The following UXS1 variants were observed in gnomAD, a reference collection of about 807,000 sequenced individuals.
UXS1 encodes UDP-glucuronate decarboxylase 1.
Under a neutral mutation model 62.6 loss-of-function variants are expected in UXS1, and 33 were observed. The observed-to-expected ratio is 0.53, with a 90% confidence interval of 0.40 to 0.70. The LOEUF is 0.70. UXS1 is among the 30% of genes least tolerant of loss of function. UXS1 has a pLI of 0.00. For synonymous variants in UXS1, 213 were observed against 206.8 expected (o/e 1.03, Z -0.26); for missense variants, 434 against 556.3 (o/e 0.78, Z 2.21).
intron 5 of UXS1, among the ~76,000 whole-genome samples, chr2:106,154,306 T>C (rs985283928): frequency 2.0e-5 from 3 of 152,212 alleles, no homozygotes; most frequent in Non-Finnish European, 4.4e-5. Context: ...AGATAAGATT[T>C]TGAAAACAGA....
intron 1 of UXS1, among the ~76,000 whole-genome samples, chr2:106,170,443 C>G (rs1202230240): frequency 6.6e-6 from 1 of 152,224 alleles, no homozygotes; most frequent in Non-Finnish European, 1.5e-5. Flanking sequence ...TTACACCAGG[C>G]ATACATGGTC....
intron 2 of UXS1, 70 bp downstream of exon 2, chr2:106,165,986 G>T: frequency 6.9e-7 from 1 of 1,441,486 alleles, no homozygotes; most frequent in Non-Finnish European, 9.6e-7. Context: ...GACATCCATG[G>T]TATATATGTA....
chr2:106,123,452 T>C (rs1679685369), intron 8 of UXS1, among the ~76,000 whole-genome samples: 1 of 152,194 alleles, frequency 6.6e-6, no homozygotes, highest in African/African-American at 2.4e-5. Context: ...ATAAAGTTGA[T>C]AACTGGAGCA....
intron 4 of UXS1, among the ~76,000 whole-genome samples, chr2:106,159,796 C>A (rs1682743724): frequency 6.6e-6 from 1 of 152,128 alleles, no homozygotes; most frequent in Non-Finnish European, 1.5e-5. Context: ...TAGACAGAAG[C>A]CCCTGAAGCA....
intron 9 of UXS1, among the ~76,000 whole-genome samples, chr2:106,113,413 C>A (rs562158998): frequency 6.4e-4 from 98 of 152,282 alleles, no homozygotes; most frequent in African/African-American, 2.3e-3. Flanking sequence ...ATAGTCATCC[C>A]TCCTGTTCAT....
intron 5 of UXS1, 159 bp from the exon 6 acceptor site, chr2:106,145,529 A>G: frequency 1.2e-6 from 1 of 821,120 alleles, no homozygotes; most frequent in East Asian, 2.9e-5. Context: ...TAGCATCTTG[A>G]CTCTTACTGC....
Position 106,100,989 on chromosome 2 carries a change from C to T in UXS1, c.984+69G>A, listed in dbSNP as rs749781986. On this transcript the variant is annotated intron_variant, in intron 12 of 14. Coordinates refer to ENST00000283148, the MANE Select transcript of UXS1 (RefSeq NM_001253875.2). ...ATGGCAAATGAAGCAAAGCCTGGTG[C>T]TGCTCATGGTTTCACAAATGAACGA... 31 of 1,581,570 alleles carry T rather than the reference C, an allele frequency of 2.0e-5. No homozygotes were observed. In the African/African-American group the frequency reaches 4.0e-4, roughly 21 times the overall value.
intron 1 of UXS1, among the ~76,000 whole-genome samples, chr2:106,180,992 T>C (rs1398100012): frequency 2.0e-5 from 3 of 152,134 alleles, no homozygotes; most frequent in Non-Finnish European, 4.4e-5. Context: ...CAATGGAAAA[T>C]GAAATATACT....
Position 106,094,111 on chromosome 2 carries a change from T to C in UXS1, c.1193A>G (p.Lys398Arg). Reference sequence around the variant, plus strand: ...ATTATTTGCCTGGTACTCGAGTTCTTTACGGAAGTAGTGAATTGCTTTGTT... The same window carrying C: ...ATTATTTGCCTGGTACTCGAGTTCTCTACGGAAGTAGTGAATTGCTTTGTT... Reference protein sequence around the residue: ...GLNKAIHYFRKELEYQANNQY... With the variant: ...GLNKAIHYFRRELEYQANNQY... The change falls in exon 15 of 15, where the codon AAA (lysine) becomes AGA (arginine). Residue 398 changes from lysine to arginine, a missense_variant. By Grantham distance (26) the Lys-to-Arg change is conservative (BLOSUM62 2). Coordinates refer to ENST00000283148, the MANE Select transcript of UXS1 (RefSeq NM_001253875.2). The C allele has an allele frequency of 6.2e-7, 1 of 1,613,036 alleles. No individual in the cohort carries two copies. Among genetic ancestry groups the C allele is most frequent in the Non-Finnish European group, 8.5e-7 (1 of 1,179,826 alleles).
At chr2:106,172,664 C>T (rs1326734754) in intron 1 of UXS1, among the ~76,000 whole-genome samples, 3 of 152,254 alleles carry the variant, frequency 2.0e-5, no homozygotes, top group African/African-American at 7.2e-5. Context: ...TACTTCAGAC[C>T]TGCTGAATCA....
chr2:106,185,303 T>G (rs1684488341), intron 1 of UXS1, among the ~76,000 whole-genome samples: 1 of 152,244 alleles, frequency 6.6e-6, no homozygotes, highest in East Asian at 1.9e-4. Context: ...TCTTAGGAAC[T>G]ATGGTGGAAA....
chr2:106,101,853 CAA>C (rs760897654), intron 11 of UXS1: 6 of 152,164 alleles, frequency 3.9e-5, no homozygotes, highest in Non-Finnish European at 8.8e-5. Context: ...TCTGTTAAAA[CAA>C]AGTTACTTCG....
intron 7 of UXS1, among the ~76,000 whole-genome samples, chr2:106,129,432 C>T (rs944852431): frequency 6.6e-6 from 1 of 152,204 alleles, no homozygotes; most frequent in Non-Finnish European, 1.5e-5. Flanking sequence ...CAGGGTGCTG[C>T]AGCCTGATTA....
chr2:106,129,742 G>A lies in UXS1; in HGVS notation c.509C>T (p.Pro170Leu), dbSNP rs776352933. Reference protein sequence around the residue: ...QIYHLASPASPPNYMYNPIKT... With the variant: ...QIYHLASPASLPNYMYNPIKT... The stretch of plus-strand genomic sequence containing the variant: ...GATAGGATTATACATGTAGTTTGGA[G>A]GGGAGGCTGGAGATGCCAGATGGTA... Residue 170 changes from proline to leucine, a missense_variant, in exon 7 of 15, where the codon CCT becomes CTT. Around this residue, in one of 3 missense-constraint regions of UXS1, gnomAD observed 134 missense variants for 251.9 expected, o/e 0.53. Coordinates refer to ENST00000283148, the MANE Select transcript of UXS1 (RefSeq NM_001253875.2). 1.2e-6 allele frequency: 2 copies of A among 1,611,556 alleles called. No individual in the cohort carries two copies. The highest frequency in any genetic ancestry group is 8.5e-7 in the Non-Finnish European group (1 of 1,178,684).
intron 1 of UXS1, among the ~76,000 whole-genome samples, chr2:106,191,200 GAGA>G (rs1445500229): frequency 1.3e-5 from 2 of 152,172 alleles, no homozygotes; most frequent in African/African-American, 2.4e-5. Flanking sequence ...ATGTAAGGAG[GAGA>G]AGGAGAAAGG....
At position 106,098,716 on chromosome 2, in the gene UXS1, C is replaced by T; in HGVS notation, c.1042G>A (p.Gly348Ser). 1 of 1,609,614 alleles carries T rather than the reference C, an allele frequency of 6.2e-7. No homozygotes were observed. The highest frequency in any genetic ancestry group is 8.5e-7 in the Non-Finnish European group (1 of 1,177,624). The change falls in exon 13 of 15, where the codon GGT becomes AGT. Residue 348 changes from glycine (G) to serine (S), a missense_variant and splice_region_variant. Gly to Ser is a moderately conservative substitution (Grantham distance 56, BLOSUM62 0). Around this residue, in one of 3 missense-constraint regions of UXS1, gnomAD observed 209 missense variants for 233.3 expected, o/e 0.90. Coordinates refer to ENST00000283148, the MANE Select transcript of UXS1 (RefSeq NM_001253875.2). ...TCAGGAAATGACTTATCCTACTTAC[C>T]AACAAGGTTTTTAATTAACTGAGCA... ...EFAQLIKNLVGSGSEIQFLSE... is the reference protein window; with the variant it reads ...EFAQLIKNLVSSGSEIQFLSE...
chr2:106,174,192 C>T (rs1683732858), intron 1 of UXS1, among the ~76,000 whole-genome samples: 1 of 152,008 alleles, frequency 6.6e-6, no homozygotes, highest in South Asian at 2.1e-4. Context: ...TCATAACAAG[C>T]CCCAGGAGAT....
Position 106,112,731 on chromosome 2 carries a change from T to C in UXS1, c.794A>G (p.Asn265Ser), listed in dbSNP as rs1235331455. ...CATGTGCATGCGTGGCCCAAAGGTG[T>C]TGAAGATTCTGGCCACTCGCACTTC... is the stretch of plus-strand genomic sequence containing the variant. ...GVEVRVARIF[N>S]TFGPRMHMND... The change falls in exon 10 of 15, where the codon AAC becomes AGC. Residue 265 changes from asparagine (N) to serine (S), a missense_variant. Physicochemically the swap from Asn to Ser is conservative, Grantham distance 46. Coordinates refer to ENST00000283148, the MANE Select transcript of UXS1 (RefSeq NM_001253875.2). 8 of 1,613,884 alleles carry C rather than the reference T, an allele frequency of 5.0e-6. No individual in the cohort carries two copies. Among genetic ancestry groups the C allele is most frequent in the African/African-American group, 2.7e-5 (2 of 74,936 alleles).
intron 10 of UXS1, among the ~76,000 whole-genome samples, chr2:106,109,815 G>A (rs1303838122): frequency 6.6e-6 from 1 of 152,196 alleles, no homozygotes; most frequent in Non-Finnish European, 1.5e-5. Flanking sequence ...CGGCTGCAAG[G>A]TAAGCAATCA....
Sources: gnomAD v4.1 joint callset for allele counts (sites outside exome capture counted in the v4.1 genomes callset) on GRCh38, gnomAD v4.1.1 for gene constraint, gnomAD v4.1.1 regional missense constraint, MANE v1.5 for transcripts, NCBI Gene and HGNC (gene_info 2026-07-23, HGNC 2026-07-21) for gene names.